EEFSEC: variants seen among roughly 807,000 people sequenced by gnomAD.
EEFSEC encodes selenocysteine-specific elongation factor.
EEFSEC carries 43 observed loss-of-function variants against 42.1 expected under a neutral mutation model. The observed-to-expected ratio is 1.02, with a 90% confidence interval of 0.80 to 1.32. The LOEUF is 1.32. Among genes scored for constraint, EEFSEC ranks in the 40% most tolerant of loss-of-function variants. EEFSEC has a pLI of 0.00. For missense variants in EEFSEC, 745 were observed against 803.6 expected (o/e 0.93, Z 0.88); for synonymous variants, 354 against 339.1 (o/e 1.04, Z -0.48).
intron 1 of EEFSEC, among the ~76,000 whole-genome samples, chr3:128,244,923 A>G (rs929405252): frequency 6.6e-6 from 1 of 152,190 alleles, no homozygotes; most frequent in Non-Finnish European, 1.5e-5. Context: ...AAATGGGTGT[A>G]TAGTATTCTG....
rs1414738409 is a variant in EEFSEC at position 128,408,358 on chromosome 3, C to G, written c.*99C>G. On this transcript the variant is annotated 3_prime_UTR_variant, in exon 7 of 7. Transcript: ENST00000254730. ...CGCCTCAGCCTCTCCCAGTCTCTCC[C>G]TGCAGTCCTGCAGCAGCAGCCCCCA... 9.4e-5 allele frequency: 118 copies of G among 1,254,956 alleles called. No homozygotes were observed. Among genetic ancestry groups the G allele is most frequent in the Non-Finnish European group, 1.2e-4 (113 of 912,488 alleles). 77.7% of individuals were successfully genotyped at this position (1,254,956 alleles called of 1,614,324 possible).
intron 1 of EEFSEC, among the ~76,000 whole-genome samples, chr3:128,192,829 T>C (rs994126226): frequency 6.6e-6 from 1 of 152,108 alleles, no homozygotes; most frequent in Non-Finnish European, 1.5e-5. Flanking sequence ...ATTCTTGAAA[T>C]TGGTGGGTAG....
intron 4 of EEFSEC, among the ~76,000 whole-genome samples, chr3:128,330,445 A>AGC (rs1307328882): frequency 1.3e-5 from 2 of 152,178 alleles, no homozygotes; most frequent in Non-Finnish European, 2.9e-5. Context: ...GAAACAACAG[A>AGC]GCGCACAGGC....
At chr3:128,302,519 A>T (rs2811389) in intron 4 of EEFSEC, among the ~76,000 whole-genome samples, 125,589 of 152,160 alleles carry the variant, frequency 0.83, 52,573 homozygotes, top group East Asian at 0.99. Flanking sequence ...TTATTTTTTT[A>T]AAAAAGTTTG....
chr3:128,387,775 G>A (rs1158588857), intron 6 of EEFSEC, among the ~76,000 whole-genome samples: 2 of 151,978 alleles, frequency 1.3e-5, no homozygotes, highest in East Asian at 3.9e-4. Flanking sequence ...GGAGTCCTGC[G>A]CGCATATGGA....
At chr3:128,158,771 T>A (rs1944423671) in intron 1 of EEFSEC, among the ~76,000 whole-genome samples, 1 of 152,246 alleles carries the variant, frequency 6.6e-6, no homozygotes, top group South Asian at 2.1e-4. Context: ...TGTGCTGCAG[T>A]GGTCTGGAAC....
intron 1 of EEFSEC, among the ~76,000 whole-genome samples, chr3:128,207,566 TACACACACACACACACAC>T (rs10574435): frequency 3.5e-5 from 5 of 142,488 alleles, no homozygotes; most frequent in African/African-American, 5.3e-5. Flanking sequence ...ACACATTGCA[TACACACACACACACACAC>T]ACACACACAC....
In EEFSEC at chr3:128,270,631, A is replaced by G. The variant is rs1228432161; in HGVS notation, c.786+5850A>G. 4.6e-5 allele frequency among the ~76,000 whole-genome samples: 7 copies of G among 152,208 alleles called. No homozygotes were observed. The East Asian group carries it at 1.3e-3, about 29-fold the overall frequency. ...CTTTGAAGCTAATCACAAGGGTGAG[A>G]TAAGATTATGACATCTGGAAAGAAT... On this transcript the variant is annotated intron_variant, in intron 4 of 6. Coordinates refer to ENST00000254730, the MANE Select transcript of EEFSEC (RefSeq NM_021937.5).
chr3:128,352,662 C>T (rs2067402768), intron 5 of EEFSEC, among the ~76,000 whole-genome samples: 1 of 152,236 alleles, frequency 6.6e-6, no homozygotes, highest in Admixed American at 6.5e-5. Context: ...ATCTGCTGCC[C>T]CTGTAGTCCT....
At chr3:128,348,768 G>A (rs1307379491) in intron 5 of EEFSEC, among the ~76,000 whole-genome samples, 1 of 152,174 alleles carries the variant, frequency 6.6e-6, no homozygotes, top group Non-Finnish European at 1.5e-5. Context: ...ATGTGTAAAA[G>A]CCGAGGCTGG....
chr3:128,217,343 G>T (rs1392754751), intron 1 of EEFSEC, among the ~76,000 whole-genome samples: 1 of 152,134 alleles, frequency 6.6e-6, no homozygotes, highest in Admixed American at 6.5e-5. Flanking sequence ...CCCTGGTTCA[G>T]TGTCACCCAA....
At chr3:128,336,652 C>T (rs1301092221) in intron 4 of EEFSEC, among the ~76,000 whole-genome samples, 2 of 152,194 alleles carry the variant, frequency 1.3e-5, no homozygotes, top group African/African-American at 4.8e-5. Flanking sequence ...TGGTTTGTTA[C>T]CGATCTGGTC....
At chr3:128,423,478 C>CAATAAATAAATA in the EEFSEC span, among the ~76,000 whole-genome samples, 1,048 of 150,526 alleles carry the variant, frequency 7.0e-3, 17 homozygotes, top group African/African-American at 0.024. Context: ...GACCCTGTCT[C>CAATAAATAAATA]AATAAATAAA....
In EEFSEC at chr3:128,341,355, G is replaced by A; in HGVS notation, c.909G>A (p.Val303=). The part of the protein sequence containing the change: ...FDPKLLERGL[V]CAPESLHTVH... ...CTAAGCTGCTGGAGCGCGGGTTGGT[G>A]TGTGCCCCCGAGTCCCTGCACACTG... is the stretch of plus-strand genomic sequence containing the variant. Residue 303 remains valine (V), a synonymous_variant, in exon 5 of 7, where the codon GTG becomes GTA. Transcript: ENST00000254730. 1 of 1,614,148 alleles carries A rather than the reference G, an allele frequency of 6.2e-7. No homozygotes were observed. Among genetic ancestry groups the A allele is most frequent in the Non-Finnish European group, 8.5e-7 (1 of 1,180,038 alleles).
At chr3:128,268,050 T>G (rs116632107) in intron 4 of EEFSEC, among the ~76,000 whole-genome samples, 79 of 152,314 alleles carry the variant, frequency 5.2e-4, no homozygotes, top group African/African-American at 1.9e-3. Context: ...AAAGGAAGAA[T>G]GACTCTGAGA....
At chr3:128,417,646 G>A in the EEFSEC span, among the ~76,000 whole-genome samples, 67 of 152,256 alleles carry the variant, frequency 4.4e-4, no homozygotes, top group Non-Finnish European at 8.8e-4. The surrounding 1 kb of genome is among the most constrained non-coding windows in gnomAD (Gnocchi z 4.3). Flanking sequence ...GTCAGGCAGA[G>A]CACCCAGCAC....
At chr3:128,295,451 C>CGTTTTT (rs2066693133) in intron 4 of EEFSEC, among the ~76,000 whole-genome samples, 5 of 63,988 alleles carry the variant, frequency 7.8e-5, no homozygotes, top group Non-Finnish European at 1.4e-4. Context: ...CTTCCCCCTA[C>CGTTTTT]TTTTTTTTTT....
At chr3:128,231,528 T>A (rs1017759248) in intron 1 of EEFSEC, among the ~76,000 whole-genome samples, 1 of 152,192 alleles carries the variant, frequency 6.6e-6, no homozygotes, top group African/African-American at 2.4e-5. Context: ...ATATGATAGA[T>A]GAAGAAACAG....
intron 1 of EEFSEC, among the ~76,000 whole-genome samples, chr3:128,200,801 C>T (rs924066224): frequency 1.3e-5 from 2 of 152,240 alleles, no homozygotes; most frequent in Non-Finnish European, 2.9e-5. Context: ...CCTGGTTTTA[C>T]ACCACCCAGA....
Sources: gnomAD v4.1 joint callset for allele counts (sites outside exome capture counted in the v4.1 genomes callset) on GRCh38, gnomAD v4.1.1 for gene constraint, Gnocchi (gnomAD v3.1) non-coding constraint, MANE v1.5 for transcripts, NCBI Gene and HGNC (gene_info 2026-07-23, HGNC 2026-07-21) for gene names.